INTS6: variants seen among roughly 807,000 people sequenced by gnomAD.
INTS6 encodes integrator complex subunit 6.
Under a neutral mutation model 104.9 loss-of-function variants are expected in INTS6, and 16 were observed. The ratio of observed to expected loss-of-function variants is 0.15; its 90% CI spans 0.10 to 0.23. The LOEUF is 0.23. Ranked by LOEUF, INTS6 falls within the 10% of genes least tolerant of loss-of-function variation. The pLI is 1.00. For missense variants in INTS6, 584 were observed against 1,062.8 expected, an observed-to-expected ratio of 0.55 and a Z score of 6.26; for synonymous variants, 324 against 358.7, an observed-to-expected ratio of 0.90 and a Z score of 1.09.
intron 4 of INTS6, among the ~76,000 whole-genome samples, chr13:51,396,395 T>C: frequency 1.3e-5 from 2 of 152,254 alleles, no homozygotes; most frequent in Middle Eastern, 3.4e-3. Context: ...TAGATGTTTC[T>C]TCCCTTACAC....
At chr13:51,435,488 CAGTT>C (rs890193543) in intron 3 of INTS6, among the ~76,000 whole-genome samples, 3 of 151,846 alleles carry the variant, frequency 2.0e-5, no homozygotes, top group Non-Finnish European at 2.9e-5. Flanking sequence ...TTAAATTACT[CAGTT>C]AAAGCATAAA....
At position 51,364,194 on chromosome 13, in the gene INTS6, A is replaced by G. The variant is rs1955639591; in HGVS notation, c.*1558T>C. 1.1e-6 allele frequency: 1 copy of G among 923,812 alleles called. No individual in the cohort carries two copies. The highest frequency in any genetic ancestry group is 1.6e-6 in the Non-Finnish European group (1 of 623,172). The allele number at this position is 923,812 out of a possible 1,614,324, so 57.2% of individuals were successfully genotyped here. Reference sequence around the variant, plus strand: ...AAGTAAACAAAGCTTAAAGAACTGCATATGAAAATACTATATAATATTAAA... The same window carrying G: ...AAGTAAACAAAGCTTAAAGAACTGCGTATGAAAATACTATATAATATTAAA... On this transcript the variant is annotated 3_prime_UTR_variant, in exon 18 of 18. Transcript: ENST00000311234.
chr13:51,424,475 ATAAT>A (rs1333027529), intron 4 of INTS6, among the ~76,000 whole-genome samples: 9 of 152,190 alleles, frequency 5.9e-5, no homozygotes, highest in African/African-American at 2.2e-4. Context: ...ATGCATTATT[ATAAT>A]TACATATTTT....
At chr13:51,398,003 A>G (rs1221618665) in intron 4 of INTS6, among the ~76,000 whole-genome samples, 2 of 152,166 alleles carry the variant, frequency 1.3e-5, no homozygotes, top group Non-Finnish European at 2.9e-5. Flanking sequence ...ACACATAGCT[A>G]TATCAATTTT....
chr13:51,395,321 G>T lies in INTS6; in HGVS notation c.592C>A (p.Pro198Thr). Residue 198 changes from proline (P) to threonine (T), a missense_variant, in exon 5 of 18, where the codon CCA becomes ACA. By Grantham distance (38) the Pro-to-Thr change is conservative. Coordinates refer to ENST00000311234, the MANE Select transcript of INTS6 (RefSeq NM_012141.3). ...GVPLDDSAIT[P>T]MCEVTGGRSY... Reference sequence around the variant, plus strand: ...TTACCGCCTGTCACTTCACACATTGGTGTGATTGCAGAGTCATCTAAAGGC... The same window carrying T: ...TTACCGCCTGTCACTTCACACATTGTTGTGATTGCAGAGTCATCTAAAGGC... The T allele has an allele frequency of 1.2e-6, 2 of 1,606,474 alleles. No homozygotes were observed. The highest frequency in any genetic ancestry group is 1.3e-5 in the African/African-American group (1 of 74,608).
At chr13:51,347,014 C>T in the INTS6 span, 3 of 1,564,168 alleles carry the variant, frequency 1.9e-6, no homozygotes, top group East Asian at 7.1e-5. Flanking sequence ...ACCTTGCTTT[C>T]CTGCTTGCAG....
chr13:51,335,988 T>G, the INTS6 span: 1 of 152,204 alleles, frequency 6.6e-6, no homozygotes, highest in Non-Finnish European at 1.5e-5. Flanking sequence ...AGTGTGACTA[T>G]GTGGCATGAA....
At chr13:51,351,818 T>C (rs1468443071), downstream of INTS6, among the ~76,000 whole-genome samples, 1 of 152,100 alleles carries the variant, frequency 6.6e-6, no homozygotes, top group Admixed American at 6.5e-5. Context: ...TTATTGTATA[T>C]AGTATGAGGT....
At chr13:51,371,193 G>C (rs1033771191) in intron 15 of INTS6, among the ~76,000 whole-genome samples, 1 of 152,182 alleles carries the variant, frequency 6.6e-6, no homozygotes, top group African/African-American at 2.4e-5. Flanking sequence ...AGTCTGAGAA[G>C]TGCTGTGGTG....
At chr13:51,365,888 A>T (rs1387750097) in intron 17 of INTS6, 43 bp from the exon 18 acceptor site, 10 of 1,145,960 alleles carry the variant, frequency 8.7e-6, no homozygotes, top group Non-Finnish European at 1.3e-5. Flanking sequence ...CTTTTTAATG[A>T]ATAGTATATA....
chr13:51,355,229 G>GCCTTCAGTGGTAAACAATCAGAA (rs1955462051), intron 3 of INTS6: 17 of 519,048 alleles, frequency 3.3e-5, no homozygotes, highest in Non-Finnish European at 5.8e-5. Flanking sequence ...TCATTTCAGA[G>GCCTTCAGTGGTAAACAATCAGAA]TCAACATTAT....
chr13:51,354,573 T>C (rs756180712), intron 3 of INTS6, among the ~76,000 whole-genome samples: 3 of 147,500 alleles, frequency 2.0e-5, no homozygotes, highest in Admixed American at 6.8e-5. Context: ...CCGGGCAACA[T>C]AGGGAGACCC....
At chr13:51,410,169 T>A (rs535281632) in intron 4 of INTS6, among the ~76,000 whole-genome samples, 1 of 152,322 alleles carries the variant, frequency 6.6e-6, no homozygotes, top group East Asian at 1.9e-4. Context: ...AACTGATTTA[T>A]AGATTCAATG....
chr13:51,336,819 G>T, the INTS6 span, among the ~76,000 whole-genome samples: 1 of 152,214 alleles, frequency 6.6e-6, no homozygotes, highest in South Asian at 2.1e-4. Context: ...AGCCCACTGT[G>T]CTCTCTCCAG....
chr13:51,338,527 A>G, the INTS6 span, among the ~76,000 whole-genome samples: 1 of 152,148 alleles, frequency 6.6e-6, no homozygotes, highest in Non-Finnish European at 1.5e-5. Context: ...GAATGGACAG[A>G]TGGATTGATG....
intron 4 of INTS6, among the ~76,000 whole-genome samples, chr13:51,422,386 G>GACAGGATGTCAGGGAATTC (rs1417671925): frequency 3.9e-5 from 6 of 152,256 alleles, no homozygotes; most frequent in Non-Finnish European, 1.5e-5. Context: ...ACAATGTGTA[G>GACAGGATGTCAGGGAATTC]ACAGGATGTC....
chr13:51,361,179 T>C, downstream of INTS6: 1 of 778,450 alleles, frequency 1.3e-6, no homozygotes, highest in South Asian at 1.6e-5. Context: ...CAGCATTGGA[T>C]ACTATAAATT....
chr13:51,442,021 AG>A, intron 3 of INTS6: 1 of 152,118 alleles, frequency 6.6e-6, no homozygotes, highest in South Asian at 2.1e-4. Flanking sequence ...GAGTTTTACC[AG>A]GTTGGCCAGG....
At chr13:51,375,791 A>G (rs1247064552) in intron 13 of INTS6, among the ~76,000 whole-genome samples, 1 of 151,896 alleles carries the variant, frequency 6.6e-6, no homozygotes, top group Non-Finnish European at 1.5e-5. Context: ...GCATGAATGC[A>G]TGAGAAAAGC....
Sources: gnomAD v4.1 joint callset for allele counts (sites outside exome capture counted in the v4.1 genomes callset) on GRCh38, gnomAD v4.1.1 for gene constraint, MANE v1.5 for transcripts, NCBI Gene and HGNC (gene_info 2026-07-23, HGNC 2026-07-21) for gene names.